Variants in LGALS8 observed in about 807,000 individuals in gnomAD.
The protein encoded by LGALS8 is galectin-8.
In LGALS8, 30 loss-of-function variants were observed where a neutral mutation model predicts 35.9. That is an observed-to-expected ratio of 0.83 (90% confidence interval 0.62 to 1.13). The LOEUF is 1.13. Among genes scored for constraint, LGALS8 ranks in the 50% most tolerant of loss-of-function variants. The pLI is 0.00. For missense variants in LGALS8, 366 were observed against 388.7 expected, an observed-to-expected ratio of 0.94 and a Z score of 0.49; for synonymous variants, 138 against 136.1, an observed-to-expected ratio of 1.01 and a Z score of -0.10.
intron 9 of LGALS8, among the ~76,000 whole-genome samples, chr1:236,547,612 G>A (rs1438328145): frequency 7.0e-6 from 1 of 143,604 alleles, no homozygotes; most frequent in Non-Finnish European, 1.5e-5. Context: ...ACAGCATCTC[G>A]GTGAACTAAA....
Position 236,540,552 on chromosome 1 carries a change from G to C in LGALS8, c.346-12G>C. 1.9e-6 allele frequency: 3 copies of C among 1,549,074 alleles called. No homozygotes were observed. The highest frequency in any genetic ancestry group is 1.7e-4 in the Middle Eastern group (1 of 5,786). On this transcript the variant is annotated splice_polypyrimidine_tract_variant and intron_variant, in intron 4 of 9. Coordinates refer to ENST00000366584, the MANE Select transcript of LGALS8 (RefSeq NM_201544.4). ...GGTGGCGGGGGGGGCTCTGTCTTCT[G>C]TATCTCTCTAGGTGGCTGTAAATGG...
upstream of LGALS8, among the ~76,000 whole-genome samples, chr1:236,520,208 C>T (rs554646505): frequency 1.2e-4 from 18 of 152,066 alleles, no homozygotes; most frequent in South Asian, 2.1e-4. Flanking sequence ...CCACCTGCCT[C>T]GGCTTCCCAA....
At chr1:236,520,110 C>A (rs181779175), upstream of LGALS8, among the ~76,000 whole-genome samples, 35 of 152,012 alleles carry the variant, frequency 2.3e-4, no homozygotes, top group African/African-American at 7.7e-4. Context: ...GCATGCGCCA[C>A]AAGGCCCAGC....
intron 3 of LGALS8, 60 bp from the exon 4 acceptor site, chr1:236,538,819 C>T (rs1270903075): frequency 1.1e-5 from 14 of 1,251,108 alleles, no homozygotes; most frequent in Non-Finnish European, 1.6e-5. Flanking sequence ...CCTGCTGGTC[C>T]TTTACTGGTG....
chr1:236,541,961 A>C (rs1272196278), intron 6 of LGALS8, among the ~76,000 whole-genome samples: 2 of 152,242 alleles, frequency 1.3e-5, no homozygotes, highest in African/African-American at 4.8e-5. Context: ...TAACTGCTGA[A>C]TAGTACTGTT....
At chr1:236,529,591 A>C (rs1423757611) in intron 2 of LGALS8, among the ~76,000 whole-genome samples, 1 of 150,020 alleles carries the variant, frequency 6.7e-6, no homozygotes, top group African/African-American at 2.4e-5. Context: ...CAAAAAAAAA[A>C]AAAGAAAAAA....
chr1:236,538,101 A>AAAAAAAAAAAAAAAACAAAAAG (rs371245157), intron 3 of LGALS8, among the ~76,000 whole-genome samples: 1 of 96,052 alleles, frequency 1.0e-5, no homozygotes. Context: ...AAAAAAAAGA[A>AAAAAAAAAAAAAAAACAAAAAG]AAAGAAAAAG....
rs140296225 is a variant in LGALS8, at chr1:236,543,662, G to A, written c.638+14G>A. 1.9e-4 allele frequency: 306 copies of A among 1,592,586 alleles called. 4 individuals are homozygous for A. In the South Asian group the frequency reaches 2.2e-3, roughly 11 times the overall value. ...AAATGCCAAAAGGTCAGTATCCTTC[G>A]GTACCAGTCACAGTGCAGATACTTC... On this transcript the variant is annotated intron_variant, in intron 8 of 9. Transcript: ENST00000366584.
rs1661635257 is a variant in LGALS8 at position 236,537,688 on chromosome 1, C to T, written c.134+103C>T. ...GGAGAGACCATTTGATACTTTGAGG[C>T]CCAATTAGCTTTCATCAGCAGCCCT... On this transcript the variant is annotated intron_variant, in intron 3 of 9. Transcript: ENST00000366584. 4 of 810,400 alleles carry T rather than the reference C, an allele frequency of 4.9e-6. No homozygotes were observed. The Middle Eastern group carries it at 6.5e-4, about 132-fold the overall frequency. The allele number at this position is 810,400 out of a possible 1,614,324, so 50.2% of individuals were successfully genotyped here. A position where few individuals can be genotyped will look rare whatever the true frequency, so the allele number is the denominator to read the frequency against.
chr1:236,544,724 T>C, intron 8 of LGALS8, 26 bp from the exon 9 acceptor site: 2 of 1,372,700 alleles, frequency 1.5e-6, no homozygotes, highest in East Asian at 2.6e-5. Context: ...TAATTAAGGT[T>C]TTTTTTTTTC....
chr1:236,541,677 T>A lies in LGALS8; in HGVS notation c.489T>A (p.Ser163=). The stretch of plus-strand genomic sequence containing the variant: ...AGGACTTACAAAGTACCCAAGCATC[T>A]AGTCTGGAACTGACAGAGATAAGTA... The part of the protein sequence containing the change: ...FSSDLQSTQA[S]SLELTEISRE... The change falls in exon 6 of 10, where the codon TCT becomes TCA. Residue 163 remains serine (S), a synonymous_variant. Transcript: ENST00000366584. The A allele has an allele frequency of 6.5e-7, 1 of 1,526,846 alleles. No homozygotes were observed. Among genetic ancestry groups the A allele is most frequent in the Non-Finnish European group, 8.9e-7 (1 of 1,121,516 alleles). The allele number at this position is 1,526,846 out of a possible 1,614,324, so 94.6% of individuals were successfully genotyped here.
At chr1:236,540,350 C>G (rs1355572038) in intron 4 of LGALS8, 3 of 453,546 alleles carry the variant, frequency 6.6e-6, no homozygotes, top group African/African-American at 6.1e-5. Flanking sequence ...AGAGACAGTT[C>G]CTGGTGCTTA....
Position 236,548,047 on chromosome 1 carries a change from T to G in LGALS8, c.840T>G (p.Val280=). The G allele has an allele frequency of 6.2e-7, 1 of 1,612,304 alleles. No homozygotes were observed. ...IIYCDVREFK[V]AVNGVHSLEY... is the part of the protein sequence containing the mutation. Reference sequence around the variant, plus strand: ...ATTGTGATGTTAGAGAATTCAAGGTTGCAGTAAATGGCGTACACAGCCTGG... The same window carrying G: ...ATTGTGATGTTAGAGAATTCAAGGTGGCAGTAAATGGCGTACACAGCCTGG... Residue 280 remains valine, a synonymous_variant, in exon 10 of 10, where the codon GTT becomes GTG. Coordinates refer to ENST00000366584, the MANE Select transcript of LGALS8 (RefSeq NM_201544.4).
chr1:236,543,923 G>C (rs918303309), intron 8 of LGALS8, among the ~76,000 whole-genome samples: 1 of 149,710 alleles, frequency 6.7e-6, no homozygotes, highest in Non-Finnish European at 1.5e-5. Context: ...CTCCAGAGCA[G>C]CCCCGTAAGA....
chr1:236,521,832 A>C (rs1253669173), upstream of LGALS8, among the ~76,000 whole-genome samples: 12 of 120,666 alleles, frequency 9.9e-5, no homozygotes, highest in South Asian at 2.4e-3. Context: ...GACTGCCTCA[A>C]AAAAAAAAAA....
chr1:236,530,526 T>C (rs905206920), intron 2 of LGALS8, among the ~76,000 whole-genome samples: 1 of 152,170 alleles, frequency 6.6e-6, no homozygotes, highest in Non-Finnish European at 1.5e-5. Context: ...GATTTTTTTT[T>C]CCATATGTAT....
At chr1:236,538,010 T>C (rs1389643972) in intron 3 of LGALS8, among the ~76,000 whole-genome samples, 2 of 144,598 alleles carry the variant, frequency 1.4e-5, no homozygotes, top group African/African-American at 5.0e-5. Flanking sequence ...GGGGCTGAGG[T>C]AGGAGGATTC....
Position 236,547,917 on chromosome 1 carries a change from T to A in LGALS8, c.805-95T>A, listed in dbSNP as rs904278501. The A allele has an allele frequency of 3.7e-6, 4 of 1,095,010 alleles. No individual in the cohort carries two copies. In the African/African-American group the frequency reaches 4.6e-5, roughly 13 times the overall value. The allele number at this position is 1,095,010 out of a possible 1,614,324, so 67.8% of individuals were successfully genotyped here. ...CAGCAGGCTGGAACTTTTCTATGTA[T>A]AATCAAATGGTTTACTCTGACACCG... On this transcript the variant is annotated intron_variant, in intron 9 of 9. Transcript: ENST00000366584.
At chr1:236,543,169 G>C in intron 7 of LGALS8, 1 of 790,268 alleles carries the variant, frequency 1.3e-6, no homozygotes, top group South Asian at 1.6e-5. Flanking sequence ...TCCCTGGACG[G>C]ATTCGAGAGT....
Sources: allele counts gnomAD v4.1 joint callset (sites outside exome capture counted in the v4.1 genomes callset), GRCh38; gene constraint gnomAD v4.1.1; transcripts MANE v1.5; gene names NCBI Gene and HGNC (gene_info 2026-07-23, HGNC 2026-07-21).